The following NTRK1 variants were observed in gnomAD, a reference collection of about 807,000 sequenced individuals.
NTRK1 encodes the protein high affinity nerve growth factor receptor.
NTRK1 carries 62 observed loss-of-function variants against 86.8 expected under a neutral mutation model. The ratio of observed to expected loss-of-function variants is 0.71; its 90% CI spans 0.58 to 0.88. The LOEUF (loss-of-function observed/expected upper bound fraction) is 0.88, where lower values mean the gene tolerates loss of function less well. Ranked by LOEUF, NTRK1 falls within the 40% of genes least tolerant of loss-of-function variation. The probability of loss-of-function intolerance (pLI) is 0.00; values close to 1 mark genes in which losing one functional copy is unlikely to be tolerated. For synonymous variants in NTRK1, 469 were observed against 456.6 expected (o/e 1.03, Z -0.35); for missense variants, 967 against 1,078.4 (o/e 0.90, Z 1.45).
intron 7 of NTRK1, among the ~76,000 whole-genome samples, chr1:156,872,650 C>T (rs1197478693): frequency 6.7e-6 from 1 of 149,976 alleles, no homozygotes; most frequent in African/African-American, 2.5e-5. Context: ...CATTGAGGGG[C>T]TTTTACTTTT....
intron 11 of NTRK1, among the ~76,000 whole-genome samples, 160 bp downstream of exon 11, chr1:156,875,168 G>A (rs1647823925): frequency 6.6e-6 from 1 of 152,052 alleles, no homozygotes. Flanking sequence ...TGAGGCTTGT[G>A]AGTGTGAGTG....
chr1:156,874,506 T>C (rs2102909571), intron 9 of NTRK1, 65 bp from the exon 10 acceptor site: 1 of 1,611,406 alleles, frequency 6.2e-7, no homozygotes, highest in Non-Finnish European at 8.5e-7. Context: ...GGGGCCAGGG[T>C]TGGGGGGTTA....
At chr1:156,874,285 T>G (rs2102908294) in intron 8 of NTRK1, 98 bp from the exon 9 acceptor site, 35 of 1,561,330 alleles carry the variant, frequency 2.2e-5, no homozygotes, top group Non-Finnish European at 2.7e-5. Flanking sequence ...CATGAAGGAA[T>G]GAGTCCCAGA....
Position 156,864,786 on chromosome 1 carries a change from C to T in NTRK1, c.346C>T (p.Arg116Trp), listed in dbSNP as rs943975141. 1.5e-5 allele frequency: 24 copies of T among 1,613,688 alleles called. No homozygotes were observed. In the Middle Eastern group the frequency reaches 8.2e-4, roughly 55 times the overall value. Reference protein sequence around the residue: ...VAPDAFHFTPRLSRLNLSFNA... With the variant: ...VAPDAFHFTPWLSRLNLSFNA... The stretch of plus-strand genomic sequence containing the variant: ...GCCAGATGCCTTCCATTTCACTCCT[C>T]GGCTCAGTCGCCTGTGAGTGTGGCC... Residue 116 changes from arginine to tryptophan, a missense_variant, in exon 3 of 17, where the codon CGG (arginine) becomes TGG (tryptophan). By Grantham distance (101) the Arg-to-Trp change is moderately radical. Coordinates refer to ENST00000524377, the MANE Select transcript of NTRK1 (RefSeq NM_002529.4).
At chr1:156,853,685 G>T in intron 2 of NTRK1, 1 of 1,475,094 alleles carries the variant, frequency 6.8e-7, no homozygotes, top group Non-Finnish European at 9.2e-7. Context: ...ACCATCCTGT[G>T]GCCACCCAGC....
At chr1:156,835,978 TG>T (rs1192319177) in intron 1 of NTRK1, among the ~76,000 whole-genome samples, 1 of 152,218 alleles carries the variant, frequency 6.6e-6, no homozygotes, top group African/African-American at 2.4e-5. Flanking sequence ...TGACAACTTC[TG>T]TCCTTTTTGT....
At chr1:156,832,603 C>T (rs1009641241) in intron 1 of NTRK1, among the ~76,000 whole-genome samples, 1 of 152,040 alleles carries the variant, frequency 6.6e-6, no homozygotes. Flanking sequence ...GGCATGCAGG[C>T]TTAGAGCTGC....
intron 2 of NTRK1, chr1:156,845,871 C>T: frequency 6.2e-7 from 1 of 1,600,130 alleles, no homozygotes; most frequent in Non-Finnish European, 8.5e-7. Flanking sequence ...CCTCTGATCC[C>T]CCCCACCTGC....
Position 156,845,845 on chromosome 1 carries a change from A to G in NTRK1, c.50+3652A>G, listed in dbSNP as rs755577383. ...GCCGCAGCGGGAAGACACTAGTAAG[A>G]CAGGCGGTCTACCCGCCTCTGATCC... On this transcript the variant is annotated intron_variant, in intron 2 of 16. Coordinates refer to the NTRK1 transcript ENST00000392302. 11 of 1,598,472 alleles carry G rather than the reference A, an allele frequency of 6.9e-6. No individual in the cohort carries two copies. The African/African-American group carries it at 1.5e-4, about 21-fold the overall frequency.
At chr1:156,816,105 A>C (rs1442098100) in intron 1 of NTRK1, 1 of 1,609,572 alleles carries the variant, frequency 6.2e-7, no homozygotes, top group Non-Finnish European at 8.5e-7. Flanking sequence ...CTGTGAGCAC[A>C]AAGAGGGCTG....
chr1:156,860,998 C>T lies in NTRK1; in HGVS notation c.64C>T (p.Leu22=). Residue 22 remains leucine (L), a synonymous_variant, in exon 1 of 17, where the codon CTG becomes TTG. Transcript: ENST00000524377. ...CAGCTGGGCTGCGGGGCCGGGCAGC[C>T]TGCTGGCTTGGCTGATACTGGCATC... ...WHSWAAGPGS[L]LAWLILASAG... 1 of 1,533,296 alleles carries T rather than the reference C, an allele frequency of 6.5e-7. No individual in the cohort carries two copies. The highest frequency in any genetic ancestry group is 8.7e-7 in the Non-Finnish European group (1 of 1,146,260). The allele number at this position is 1,533,296 out of a possible 1,614,324, so 95.0% of individuals were successfully genotyped here.
intron 1 of NTRK1, among the ~76,000 whole-genome samples, chr1:156,830,681 A>C (rs1654448068): frequency 6.7e-6 from 1 of 150,352 alleles, no homozygotes. Flanking sequence ...CAACCTCCTG[A>C]GTAGCTGGGA....
At chr1:156,855,904 C>T (rs1244854817), upstream of NTRK1, among the ~76,000 whole-genome samples, 2 of 151,808 alleles carry the variant, frequency 1.3e-5, no homozygotes, top group African/African-American at 4.8e-5. Context: ...TAATTCTTAA[C>T]ACTGACTAAT....
At chr1:156,865,215 C>A (rs557094793) in intron 3 of NTRK1, among the ~76,000 whole-genome samples, 2 of 152,246 alleles carry the variant, frequency 1.3e-5, no homozygotes, top group South Asian at 4.1e-4. Flanking sequence ...CCACTTGTCA[C>A]CCTCCTCATT....
intron 14 of NTRK1, 49 bp from the exon 15 acceptor site, chr1:156,879,073 T>C (rs1237190301): frequency 1.2e-6 from 2 of 1,608,464 alleles, no homozygotes; most frequent in Non-Finnish European, 1.7e-6. Context: ...CTCAGGCTCC[T>C]GGGAGTTCTA....
At chr1:156,864,013 C>T (rs1655807425) in intron 1 of NTRK1, among the ~76,000 whole-genome samples, 1 of 152,126 alleles carries the variant, frequency 6.6e-6, no homozygotes, top group Non-Finnish European at 1.5e-5. Context: ...GTCATCTGTG[C>T]AGATGCTTAT....
chr1:156,851,968 G>A (rs201837885), intron 2 of NTRK1: 91 of 1,608,536 alleles, frequency 5.7e-5, no homozygotes, highest in East Asian at 1.1e-4. Flanking sequence ...AGGCACGGCC[G>A]GGCACAGAGT....
At position 156,874,988 on chromosome 1, in the gene NTRK1, GAAACAAGTTTGGGA is replaced by G. The variant is rs1647809261; in HGVS notation, c.1335_1348del (p.Arg445SerfsTer50). On this transcript the variant is annotated frameshift_variant, in exon 11 of 17. Coordinates refer to ENST00000524377, the MANE Select transcript of NTRK1 (RefSeq NM_002529.4). LOFTEE classifies it high-confidence loss of function. Reference sequence around the variant, plus strand: ...CTTGTGCTCAACAAATGTGGACGGAGAAACAAGTTTGGGATCAACCGTGAGTCGGGGCTGCAGAG... The same window carrying G: ...CTTGTGCTCAACAAATGTGGACGGAGTCAACCGTGAGTCGGGGCTGCAGAG... The G allele has an allele frequency of 6.2e-7, 1 of 1,613,768 alleles. No individual in the cohort carries two copies. Among genetic ancestry groups the G allele is most frequent in the Non-Finnish European group, 8.5e-7 (1 of 1,179,806 alleles).
Position 156,866,895 on chromosome 1 carries a change from T to C in NTRK1, c.360-15T>C. 1 of 1,614,070 alleles carries C rather than the reference T, an allele frequency of 6.2e-7. No individual in the cohort carries two copies. ...CACTCAAGGGGTCTGTCTTGCTGTGTCTCCACGCCCGCAGGAATCTCTCCT... is the reference window on the plus strand; with the variant it reads ...CACTCAAGGGGTCTGTCTTGCTGTGCCTCCACGCCCGCAGGAATCTCTCCT... On this transcript the variant is annotated splice_polypyrimidine_tract_variant and intron_variant, in intron 3 of 16. Transcript: ENST00000524377.
Sources: allele counts gnomAD v4.1 joint callset (sites outside exome capture counted in the v4.1 genomes callset), GRCh38; gene constraint gnomAD v4.1.1; transcripts MANE v1.5; gene names NCBI Gene and HGNC (gene_info 2026-07-23, HGNC 2026-07-21).